GTF2A1L: variants seen among roughly 807,000 people sequenced by gnomAD.
GTF2A1L encodes the protein general transcription factor IIA subunit 1 like, also known as TFIIA-alpha and beta-like factor.
Under a neutral mutation model 49.7 loss-of-function variants are expected in GTF2A1L, and 48 were observed. The ratio of observed to expected loss-of-function variants is 0.97; its 90% CI spans 0.77 to 1.23. GTF2A1L has a LOEUF of 1.23. GTF2A1L is among the 50% of genes most tolerant of loss of function. The pLI, the probability that GTF2A1L is intolerant of heterozygous loss-of-function variation, is 0.00. For missense variants in GTF2A1L, 736 were observed against 564.8 expected, an observed-to-expected ratio of 1.30 and a Z score of -3.07; for synonymous variants, 246 against 193.5, an observed-to-expected ratio of 1.27 and a Z score of -2.25.
intron 6 of GTF2A1L, 89 bp from the exon 7 acceptor site, chr2:48,669,633 T>C: frequency 6.8e-7 from 1 of 1,476,878 alleles, no homozygotes; most frequent in Non-Finnish European, 9.0e-7. Flanking sequence ...ACTGACCATT[T>C]GTGGAATGTT....
chr2:48,640,547 G>A (rs1336296525), intron 3 of GTF2A1L, among the ~76,000 whole-genome samples: 3 of 152,082 alleles, frequency 2.0e-5, no homozygotes, highest in African/African-American at 7.2e-5. Flanking sequence ...GGTGGGCGGG[G>A]GCAGAGGAGT....
chr2:48,654,898 T>G (rs1281384924), intron 6 of GTF2A1L, among the ~76,000 whole-genome samples: 1 of 152,236 alleles, frequency 6.6e-6, no homozygotes, highest in Non-Finnish European at 1.5e-5. Context: ...CACACTGTCT[T>G]GATTATGGTA....
At position 48,662,915 on chromosome 2, in the gene GTF2A1L, G is replaced by A. The variant is rs536666330; in HGVS notation, c.979-6807G>A. Among the ~76,000 whole-genome samples, 6 of 152,136 alleles carry A rather than the reference G, an allele frequency of 3.9e-5. No homozygotes were observed. The East Asian group carries it at 1.2e-3, about 29-fold the overall frequency. Reference sequence around the variant, plus strand: ...AATGAACACGGGAATAATTGAGGGTGGAGTGTAGGAGGAGGGAGACGATCA... The same window carrying A: ...AATGAACACGGGAATAATTGAGGGTAGAGTGTAGGAGGAGGGAGACGATCA... On this transcript the variant is annotated intron_variant, in intron 6 of 8. Transcript: ENST00000403751.
chr2:48,664,870 GTCTC>G lies in GTF2A1L; in HGVS notation c.979-4844_979-4841del, dbSNP rs1236245016. 2.6e-5 allele frequency among the ~76,000 whole-genome samples: 4 copies of G among 152,078 alleles called. No homozygotes were observed. The East Asian group carries it at 5.8e-4, about 22-fold the overall frequency. On this transcript the variant is annotated intron_variant, in intron 6 of 8. Coordinates refer to ENST00000403751, the MANE Select transcript of GTF2A1L (RefSeq NM_006872.5). Reference sequence around the variant, plus strand: ...TACTGTTTGCTTGTGTCTTCTGTCTGTCTCTCTCTCTTTCTCTCTCTGTCTGTCG... The same window carrying G: ...TACTGTTTGCTTGTGTCTTCTGTCTGTCTCTCTTTCTCTCTCTGTCTGTCG...
chr2:48,638,557 T>C (rs1677031954), intron 3 of GTF2A1L, among the ~76,000 whole-genome samples: 4 of 152,074 alleles, frequency 2.6e-5, no homozygotes. Context: ...AGAAACTAGG[T>C]ATTGAAGGAA....
At chr2:48,643,700 T>A (rs1216526665) in intron 4 of GTF2A1L, among the ~76,000 whole-genome samples, 1 of 108,430 alleles carries the variant, frequency 9.2e-6, no homozygotes, top group South Asian at 2.7e-4. Context: ...ACAATTTTTT[T>A]TTTTTTTTTT....
At chr2:48,639,265 A>T (rs1327020936) in intron 3 of GTF2A1L, among the ~76,000 whole-genome samples, 1 of 152,208 alleles carries the variant, frequency 6.6e-6, no homozygotes, top group African/African-American at 2.4e-5. Flanking sequence ...CAAAAAGGAC[A>T]AAGCTGGAGG....
intron 3 of GTF2A1L, among the ~76,000 whole-genome samples, chr2:48,632,032 TTAGTC>T (rs1269048067): frequency 6.6e-6 from 1 of 152,218 alleles, no homozygotes; most frequent in African/African-American, 2.4e-5. Context: ...CCAACTGTTA[TTAGTC>T]TTTTTATTCT....
At position 48,625,166 on chromosome 2, in the gene GTF2A1L, C is replaced by T. The variant is rs572925777; in HGVS notation, c.247+3876C>T. On this transcript the variant is annotated intron_variant, in intron 3 of 8. Transcript: ENST00000403751. ...TTTTATACAATGGCTGACCATTCTGCATTCCCACCAACAGAGTACAGGGGT... is the reference window on the plus strand; with the variant it reads ...TTTTATACAATGGCTGACCATTCTGTATTCCCACCAACAGAGTACAGGGGT... Among the ~76,000 whole-genome samples the T allele has an allele frequency of 2.8e-5, 4 of 144,168 alleles. 1 individual carries two copies. The highest frequency in any genetic ancestry group is 4.9e-5 in the African/African-American group (2 of 40,664). 94.6% of individuals were successfully genotyped at this position (144,168 alleles called of 152,430 possible). A position where few individuals can be genotyped will look rare whatever the true frequency, so the allele number is the denominator to read the frequency against.
intron 3 of GTF2A1L, among the ~76,000 whole-genome samples, chr2:48,640,859 T>A (rs1352266460): frequency 6.6e-6 from 1 of 151,914 alleles, no homozygotes; most frequent in African/African-American, 2.4e-5. Context: ...CTTGTGAGCA[T>A]ATAAAAATAA....
At chr2:48,656,357 T>G (rs891067532) in intron 6 of GTF2A1L, among the ~76,000 whole-genome samples, 1 of 134,788 alleles carries the variant, frequency 7.4e-6, no homozygotes, top group Non-Finnish European at 1.5e-5. Context: ...TGTTTTTTTT[T>G]TTTTTTTTTT....
At chr2:48,670,072 T>G in intron 7 of GTF2A1L, 90 bp downstream of exon 7, 1 of 1,487,642 alleles carries the variant, frequency 6.7e-7, no homozygotes, top group South Asian at 1.5e-5. Context: ...ATAGCAAGAT[T>G]AATCTTTTCT....
chr2:48,676,813 A>C (rs1302426520), intron 8 of GTF2A1L, among the ~76,000 whole-genome samples: 1 of 150,762 alleles, frequency 6.6e-6, no homozygotes, highest in East Asian at 1.9e-4. Context: ...ATATCTATAT[A>C]TCTATATCTA....
chr2:48,664,497 C>G (rs1678706349), intron 6 of GTF2A1L, among the ~76,000 whole-genome samples: 1 of 151,880 alleles, frequency 6.6e-6, no homozygotes, highest in Admixed American at 6.6e-5. Context: ...ATTTTTGCTT[C>G]TATGTTCATG....
chr2:48,660,600 G>A (rs1678435377), intron 6 of GTF2A1L, among the ~76,000 whole-genome samples: 1 of 151,724 alleles, frequency 6.6e-6, no homozygotes, highest in African/African-American at 2.4e-5. Flanking sequence ...TTATATTTCT[G>A]TAAAATTATT....
Position 48,633,756 on chromosome 2 carries a change from C to T in GTF2A1L, c.248-8646C>T, listed in dbSNP as rs150833027. On this transcript the variant is annotated intron_variant, in intron 3 of 8. Transcript: ENST00000403751. ...ATAGGGGGAAGTCCCCCACCATTAT[C>T]GTATGGCTGTATAAGAGTTTTGTAG... 2.1e-3 allele frequency among the ~76,000 whole-genome samples: 321 copies of T among 152,278 alleles called. 2 individuals are homozygous for T. Among genetic ancestry groups the T allele is most frequent in the Non-Finnish European group, 2.9e-3 (199 of 68,020 alleles).
intron 8 of GTF2A1L, among the ~76,000 whole-genome samples, chr2:48,672,649 A>G (rs892059121): frequency 2.6e-5 from 4 of 152,332 alleles, no homozygotes; most frequent in Non-Finnish European, 5.9e-5. Flanking sequence ...TTATGTTAGT[A>G]GCAGTCTAAC....
intron 8 of GTF2A1L, among the ~76,000 whole-genome samples, chr2:48,672,587 G>A (rs1008390306): frequency 5.9e-5 from 9 of 152,132 alleles, no homozygotes; most frequent in African/African-American, 9.7e-5. Flanking sequence ...TGGAAAAATC[G>A]GTGGGACTTG....
Position 48,620,745 on chromosome 2 carries a change from C to A in GTF2A1L, c.22-106C>A, listed in dbSNP as rs555072768. On this transcript the variant is annotated intron_variant, in intron 1 of 8. Transcript: ENST00000403751. Reference sequence around the variant, plus strand: ...TGAACTGAGTTCGTGCCACCGCACTCCAGCCTGGGCAACAGAGCATGACTC... The same window carrying A: ...TGAACTGAGTTCGTGCCACCGCACTACAGCCTGGGCAACAGAGCATGACTC... The A allele has an allele frequency of 7.1e-6, 5 of 704,806 alleles. No individual in the cohort carries two copies. In the East Asian group the frequency reaches 3.9e-4, roughly 54 times the overall value. 43.7% of individuals were successfully genotyped at this position (704,806 alleles called of 1,614,324 possible).
Sources: gnomAD v4.1 joint callset for allele counts (sites outside exome capture counted in the v4.1 genomes callset) on GRCh38, gnomAD v4.1.1 for gene constraint, MANE v1.5 for transcripts, NCBI Gene and HGNC (gene_info 2026-07-23, HGNC 2026-07-21) for gene names.